The following AK6 variants were observed in gnomAD, a reference collection of about 807,000 sequenced individuals.
AK6 encodes the protein adenylate kinase 6.
A neutral mutation model predicts 23.7 loss-of-function variants in AK6; 24 were observed. The ratio of observed to expected loss-of-function variants is 1.01; its 90% CI spans 0.73 to 1.43. AK6 has a LOEUF of 1.43. Among genes scored for constraint, AK6 ranks in the 40% most tolerant of loss-of-function variants. The pLI is 0.00. For missense variants in AK6, 191 were observed against 199.1 expected (o/e 0.96, Z 0.24); for synonymous variants, 73 against 69.8 (o/e 1.05, Z -0.23).
Position 69,352,082 on chromosome 5 carries a change from C to G in AK6, c.498G>C (p.Trp166Cys), listed in dbSNP as rs1440607658. Residue 166 changes from tryptophan (W) to cysteine (C), a missense_variant, in exon 5 of 5, where the codon TGG becomes TGC. Transcript: ENST00000380822. ...VDQILKWIEQ[W>C]IKDHNS ...TAAGTCAAGAGTTATGATCTTTGAT[C>G]CACTGCTCAATCCATTTCAAGATCT... 6 of 1,611,082 alleles carry G rather than the reference C, an allele frequency of 3.7e-6. No individual in the cohort carries two copies. The highest frequency in any genetic ancestry group is 5.1e-6 in the Non-Finnish European group (6 of 1,179,138).
upstream of AK6, chr5:69,369,700 G>T: frequency 6.4e-7 from 1 of 1,552,442 alleles, no homozygotes; most frequent in Non-Finnish European, 8.7e-7. Context: ...TGGAGGGTGG[G>T]CATAACTCGG....
chr5:69,369,379 G>T (rs1233183511), intron 1 of AK6, 84 bp downstream of exon 1: 5 of 1,519,884 alleles, frequency 3.3e-6, no homozygotes, highest in Middle Eastern at 2.3e-4. Flanking sequence ...GCAGTGAGGG[G>T]CCCCCACCTG....
Position 69,355,729 on chromosome 5 carries a change from A to C in AK6, c.246T>G (p.Asp82Glu). The C allele has an allele frequency of 1.2e-6, 2 of 1,614,032 alleles. No homozygotes were observed. Among genetic ancestry groups the C allele is most frequent in the Non-Finnish European group, 1.7e-6 (2 of 1,179,956 alleles). ...GGVIVDYHGC[D>E]FFPERWFHIV... ...TATGAAACCAGCGTTCAGGGAAGAA[A>C]TCACAACCATGGTAATCAACAATAA... The change falls in exon 4 of 5, where the codon GAT (aspartate) becomes GAG (glutamate). Residue 82 changes from aspartate to glutamate, a missense_variant. Asp to Glu is a conservative substitution (Grantham distance 45). Coordinates refer to ENST00000380822, the MANE Select transcript of AK6 (RefSeq NM_016283.5).
At chr5:69,363,825 C>T (rs1031517133) in intron 2 of AK6, among the ~76,000 whole-genome samples, 3 of 151,854 alleles carry the variant, frequency 2.0e-5, no homozygotes, top group Non-Finnish European at 4.4e-5. Context: ...AGGTAGCTCA[C>T]ACCTGTAATC....
chr5:69,368,050 G>C (rs1762560822), intron 1 of AK6: 1 of 152,110 alleles, frequency 6.6e-6, no homozygotes, highest in South Asian at 2.1e-4. Context: ...TTAAAATTAA[G>C]CAGTCTGAAA....
intron 4 of AK6, among the ~76,000 whole-genome samples, chr5:69,355,162 T>G (rs1221433004): frequency 1.3e-5 from 2 of 152,200 alleles, no homozygotes; most frequent in Non-Finnish European, 2.9e-5. Context: ...TACATTTTAC[T>G]CAATCAGATT....
chr5:69,366,882 C>A (rs900468011), intron 1 of AK6: 24 of 330,018 alleles, frequency 7.3e-5, no homozygotes, highest in African/African-American at 4.0e-4. Flanking sequence ...CCTCAGTCTC[C>A]TCAGTAGCTG....
At chr5:69,367,647 G>C (rs770027666) in intron 1 of AK6, among the ~76,000 whole-genome samples, 1 of 151,902 alleles carries the variant, frequency 6.6e-6, no homozygotes, top group African/African-American at 2.4e-5. Context: ...TTACCTCCTG[G>C]GCTCAAGCAA....
chr5:69,362,542 C>T (rs1035937170), intron 2 of AK6, among the ~76,000 whole-genome samples: 1 of 152,134 alleles, frequency 6.6e-6, no homozygotes, highest in Non-Finnish European at 1.5e-5. Context: ...AATCCCAGCA[C>T]TTTTGAGAGG....
At chr5:69,359,833 G>C (rs1295305386) in intron 2 of AK6, among the ~76,000 whole-genome samples, 1 of 152,160 alleles carries the variant, frequency 6.6e-6, no homozygotes, top group Non-Finnish European at 1.5e-5. Context: ...AAATTAACTG[G>C]TTTAGAGTGA....
Position 69,369,076 on chromosome 5 carries a change from G to A in AK6, c.28+387C>T, listed in dbSNP as rs1013355854. On this transcript the variant is annotated intron_variant, in intron 1 of 4. Transcript: ENST00000380822. The stretch of plus-strand genomic sequence containing the variant: ...GCATCCACCATTAATGACTCTACCG[G>A]GAAGCAGATATGGCCTTACGTTATT... 7 of 300,450 alleles carry A rather than the reference G, an allele frequency of 2.3e-5. No individual in the cohort carries two copies. In the South Asian group the frequency reaches 4.3e-4, roughly 19 times the overall value. 18.6% of individuals were successfully genotyped at this position (300,450 alleles called of 1,614,324 possible).
At chr5:69,364,816 T>C in intron 2 of AK6, 2 of 843,678 alleles carry the variant, frequency 2.4e-6, no homozygotes, top group Non-Finnish European at 3.7e-6. Context: ...TTGAAAAGTA[T>C]GGTAACTGTG....
chr5:69,364,029 A>G (rs1043751734), intron 2 of AK6, among the ~76,000 whole-genome samples: 2 of 152,154 alleles, frequency 1.3e-5, no homozygotes, highest in Non-Finnish European at 2.9e-5. Flanking sequence ...TAGAGGTTGC[A>G]GTGAGCTGAG....
In AK6 at chr5:69,351,915, A is replaced by G. The variant is rs1761957780; in HGVS notation, c.*146T>C. 1 of 485,924 alleles carries G rather than the reference A, an allele frequency of 2.1e-6. No homozygotes were observed. 30.1% of individuals were successfully genotyped at this position (485,924 alleles called of 1,614,324 possible). ...TCATGTTTAGCTTTCTCATGGAGAA[A>G]AAGAAACACAGGCATAAACCTATAT... On this transcript the variant is annotated 3_prime_UTR_variant, in exon 5 of 5. Coordinates refer to ENST00000380822, the MANE Select transcript of AK6 (RefSeq NM_016283.5).
chr5:69,366,523 A>C lies in AK6; in HGVS notation c.101T>G (p.Val34Gly). ...CTTACCTTCTCGAGCTAAATCACCC[A>C]CATTAATGTATTTCAGTCCTGATTT... ...ASKSGLKYIN[V>G]GDLAREEQLY... Residue 34 changes from valine (V) to glycine (G), a missense_variant, in exon 2 of 5, where the codon GTG (valine) becomes GGG (glycine). By Grantham distance (109) the Val-to-Gly change is moderately radical (BLOSUM62 -3). Coordinates refer to ENST00000380822, the MANE Select transcript of AK6 (RefSeq NM_016283.5). 1 of 1,613,780 alleles carries C rather than the reference A, an allele frequency of 6.2e-7. No homozygotes were observed. Among genetic ancestry groups the C allele is most frequent in the Non-Finnish European group, 8.5e-7 (1 of 1,179,888 alleles).
intron 2 of AK6, among the ~76,000 whole-genome samples, chr5:69,363,590 C>T (rs544610928): frequency 3.3e-5 from 5 of 152,064 alleles, no homozygotes; most frequent in African/African-American, 1.2e-4. Flanking sequence ...CGAGACCAAC[C>T]TGGTTAACAC....
chr5:69,355,207 G>A (rs1391815286), intron 4 of AK6, among the ~76,000 whole-genome samples: 1 of 152,064 alleles, frequency 6.6e-6, no homozygotes, highest in East Asian at 1.9e-4. Context: ...AAAAAGTACT[G>A]CCCATATTTT....
At chr5:69,353,294 G>A (rs1761996738) in intron 4 of AK6, among the ~76,000 whole-genome samples, 1 of 152,026 alleles carries the variant, frequency 6.6e-6, no homozygotes, top group Non-Finnish European at 1.5e-5. Flanking sequence ...CCTTTCTGGG[G>A]TGACAAAAAT....
At chr5:69,363,729 A>C (rs1762305832) in intron 2 of AK6, among the ~76,000 whole-genome samples, 1 of 151,772 alleles carries the variant, frequency 6.6e-6, no homozygotes, top group Non-Finnish European at 1.5e-5. Flanking sequence ...GCTTGCAGTG[A>C]GCCGAGATTA....
Sources: gnomAD v4.1 joint callset for allele counts (sites outside exome capture counted in the v4.1 genomes callset) on GRCh38, gnomAD v4.1.1 for gene constraint, MANE v1.5 for transcripts, NCBI Gene and HGNC (gene_info 2026-07-23, HGNC 2026-07-21) for gene names.